OTOGL: variants seen among roughly 807,000 people sequenced by gnomAD.
The protein encoded by OTOGL is otogelin like.
In OTOGL, 285 loss-of-function variants were observed where a neutral mutation model predicts 318.5. The observed-to-expected ratio is 0.89, with a 90% CI of 0.81 to 0.99. OTOGL has a LOEUF of 0.99. OTOGL is among the 50% of genes least tolerant of loss of function. OTOGL has a pLI of 0.00. For missense variants in OTOGL, 2,899 were observed against 2,845.6 expected, an observed-to-expected ratio of 1.02 and a Z score of -0.43; for synonymous variants, 987 against 936.5, an observed-to-expected ratio of 1.05 and a Z score of -0.99.
intron 26 of OTOGL, among the ~76,000 whole-genome samples, chr12:80,296,425 C>T (rs1885399864): frequency 6.6e-6 from 1 of 152,016 alleles, no homozygotes; most frequent in Admixed American, 6.6e-5. Context: ...AACTTATAGA[C>T]AAATAATTAT....
intron 11 of OTOGL, among the ~76,000 whole-genome samples, chr12:80,243,911 C>T (rs1464038104): frequency 6.7e-6 from 1 of 149,338 alleles, no homozygotes; most frequent in East Asian, 2.0e-4. Context: ...ATTTGATCCT[C>T]CTTCTCTGAG....
chr12:80,346,883 C>G (rs1889231451), intron 44 of OTOGL, among the ~76,000 whole-genome samples: 1 of 152,162 alleles, frequency 6.6e-6, no homozygotes, highest in South Asian at 2.1e-4. Context: ...CTTCAACTTT[C>G]TAGCTTAAAC....
rs149822472 is a variant in OTOGL at position 80,172,902 on chromosome 12, A to G, written c.-19-36511A>G. On this transcript the variant is annotated intron_variant, in intron 1 of 58. Coordinates refer to ENST00000547103, the MANE Select transcript of OTOGL (RefSeq NM_001378609.3). Reference sequence around the variant, plus strand: ...CTGAATGATGAAAACACAAGGACACATGGTGGAGAACAACACACACTGGGG... The same window carrying G: ...CTGAATGATGAAAACACAAGGACACGTGGTGGAGAACAACACACACTGGGG... Among the ~76,000 whole-genome samples, 152 of 152,272 alleles carry G rather than the reference A, an allele frequency of 1.0e-3. 2 individuals carry two copies. The highest frequency in any genetic ancestry group is 2.9e-3 in the South Asian group (14 of 4,822).
intron 52 of OTOGL, among the ~76,000 whole-genome samples, chr12:80,362,310 G>A (rs759441917): frequency 6.6e-6 from 1 of 152,088 alleles, no homozygotes; most frequent in Non-Finnish European, 1.5e-5. Flanking sequence ...ATTGATTTCT[G>A]GATTCTCTAT....
At chr12:80,239,514 T>A in intron 11 of OTOGL, 75 bp downstream of exon 11, 1 of 1,038,652 alleles carries the variant, frequency 9.6e-7, no homozygotes, top group Non-Finnish European at 1.4e-6. Context: ...TTCTGTTACT[T>A]AACCATTTCA....
At chr12:80,186,660 A>G (rs2137251522) in intron 1 of OTOGL, among the ~76,000 whole-genome samples, 1 of 152,130 alleles carries the variant, frequency 6.6e-6, no homozygotes, top group Middle Eastern at 3.4e-3. Context: ...AACACATGGC[A>G]ATGTTTTAAC....
intron 1 of OTOGL, among the ~76,000 whole-genome samples, chr12:80,104,866 G>A (rs1278783280): frequency 3.9e-5 from 6 of 152,068 alleles, no homozygotes; most frequent in Admixed American, 1.3e-4. Context: ...AGGCTGAGCC[G>A]GGCAGATCAC....
At chr12:80,305,820 A>G (rs1319854492) in intron 29 of OTOGL, 125 bp downstream of exon 29, 5 of 787,200 alleles carry the variant, frequency 6.4e-6, no homozygotes, top group Non-Finnish European at 8.9e-6. Flanking sequence ...TTTATAGCTG[A>G]TAAACATTCA....
At chr12:80,223,034 C>T (rs56188468) in intron 7 of OTOGL, among the ~76,000 whole-genome samples, 176 of 152,070 alleles carry the variant, frequency 1.2e-3, no homozygotes, top group Middle Eastern at 0.01. Flanking sequence ...CCCCTCATCA[C>T]CCCCCAGCCT....
In OTOGL at chr12:80,370,862, A is replaced by G. The variant is rs1440170881; in HGVS notation, c.6735+173A>G. 2.6e-5 allele frequency: 12 copies of G among 460,494 alleles called. No homozygotes were observed. The East Asian group carries it at 4.1e-4, about 16-fold the overall frequency. 28.5% of individuals were successfully genotyped at this position (460,494 alleles called of 1,614,324 possible). A position where few individuals can be genotyped will look rare whatever the true frequency, so the allele number is the denominator to read the frequency against. On this transcript the variant is annotated intron_variant, in intron 56 of 58. Coordinates refer to ENST00000547103, the MANE Select transcript of OTOGL (RefSeq NM_001378609.3). ...TTTCCCATTTGAAATTTTGAGTTAT[A>G]TACGGCGTTCCAGGTAATTCTGTCT...
At chr12:80,228,172 G>A (rs923447090) in intron 7 of OTOGL, among the ~76,000 whole-genome samples, 5 of 152,160 alleles carry the variant, frequency 3.3e-5, no homozygotes, top group African/African-American at 1.2e-4. Flanking sequence ...TGGGCGTAGT[G>A]ACTCACACCT....
rs12820299 is a variant in OTOGL at position 80,339,299 on chromosome 12, T to G, written c.5050+35T>G. ...GCCCTTCAAATCTTGATTTCGTCTG[T>G]TTTTTTTTTTTTTTTTTTTTTTTTC... On this transcript the variant is annotated intron_variant, in intron 43 of 58. Transcript: ENST00000547103. 1.8e-4 allele frequency: 82 copies of G among 465,166 alleles called. No homozygotes were observed. The African/African-American group carries it at 0.011, about 61-fold the overall frequency. The allele number at this position is 465,166 out of a possible 1,614,324, so 28.8% of individuals were successfully genotyped here.
chr12:80,310,589 C>T (rs770195599), intron 29 of OTOGL, 22 bp from the exon 30 acceptor site: 9 of 1,509,716 alleles, frequency 6.0e-6, no homozygotes, highest in Admixed American at 1.7e-5. Context: ...AACTTCTTTT[C>T]TCTCTTAAAT....
chr12:80,166,035 G>T (rs1485913960), intron 1 of OTOGL, among the ~76,000 whole-genome samples: 1 of 152,084 alleles, frequency 6.6e-6, no homozygotes, highest in Non-Finnish European at 1.5e-5. Context: ...AAGATTTGCT[G>T]GATTAGTGAT....
intron 4 of OTOGL, 110 bp downstream of exon 4, chr12:80,212,107 A>G (rs1877306315): frequency 1.2e-5 from 13 of 1,129,250 alleles, no homozygotes; most frequent in Non-Finnish European, 1.6e-5. Flanking sequence ...AAATGCTAAG[A>G]ACAAGACAGG....
chr12:80,126,811 T>C (rs1870873061), intron 1 of OTOGL, among the ~76,000 whole-genome samples: 1 of 152,202 alleles, frequency 6.6e-6, no homozygotes, highest in Non-Finnish European at 1.5e-5. Flanking sequence ...TCTTTGTCTC[T>C]TTTGATCTTT....
intron 4 of OTOGL, among the ~76,000 whole-genome samples, chr12:80,213,810 G>T (rs1163586084): frequency 6.6e-6 from 1 of 152,134 alleles, no homozygotes; most frequent in Admixed American, 6.6e-5. Flanking sequence ...CGGGCAATGA[G>T]GTCATAATCT....
At chr12:80,219,934 G>A in intron 6 of OTOGL, 22 bp downstream of exon 6, 1 of 1,490,772 alleles carries the variant, frequency 6.7e-7, no homozygotes, top group Non-Finnish European at 9.2e-7. Context: ...GGATGCTTGT[G>A]AGATAATTAT....
chr12:80,129,490 T>C (rs1871101295), intron 1 of OTOGL, among the ~76,000 whole-genome samples: 1 of 152,234 alleles, frequency 6.6e-6, no homozygotes, highest in Non-Finnish European at 1.5e-5. Flanking sequence ...ATAAGTTGGC[T>C]TTTAATGTCA....
Sources: allele counts gnomAD v4.1 joint callset (sites outside exome capture counted in the v4.1 genomes callset), GRCh38; gene constraint gnomAD v4.1.1; transcripts MANE v1.5; gene names NCBI Gene and HGNC (gene_info 2026-07-23, HGNC 2026-07-21).